The following SOX8 variants were observed in gnomAD, a reference collection of about 807,000 sequenced individuals.
The protein encoded by SOX8 is SRY-box transcription factor 8, also known as transcription factor SOX-8.
In SOX8, 9 loss-of-function variants were observed where a neutral mutation model predicts 22.9. That is an observed-to-expected ratio of 0.39 (90% CI 0.24 to 0.69). SOX8 has a LOEUF of 0.69. Among genes scored for constraint, SOX8 ranks in the 30% least tolerant of loss-of-function variants. SOX8 has a pLI of 0.43. For missense variants in SOX8, 734 were observed against 699.4 expected (o/e 1.05, Z -0.56); for synonymous variants, 416 against 330.6 (o/e 1.26, Z -2.80).
Position 982,003 on chromosome 16 carries a change from C to T in SOX8, c.81C>T (p.Asp27=). The change falls in exon 1 of 3, where the codon GAC becomes GAT. Residue 27 remains aspartate (D), a synonymous_variant. Coordinates refer to ENST00000293894, the MANE Select transcript of SOX8 (RefSeq NM_014587.5). ...GTASSMSHVE[D]SDSDAPPSPA... is the part of the protein sequence containing the mutation. ...CCAGCTCCATGTCGCACGTGGAGGA[C>T]TCGGACTCGGACGCGCCGCCGTCTC... 2 of 1,419,678 alleles carry T rather than the reference C, an allele frequency of 1.4e-6. No homozygotes were observed. The highest frequency in any genetic ancestry group is 1.8e-6 in the Non-Finnish European group (2 of 1,086,174). 87.9% of individuals were successfully genotyped at this position (1,419,678 alleles called of 1,614,324 possible).
Position 982,758 on chromosome 16 carries a change from A to C in SOX8, c.422+414A>C, listed in dbSNP as rs534413062. 373 of 167,914 alleles carry C rather than the reference A, an allele frequency of 2.2e-3. 3 individuals carry two copies. Among genetic ancestry groups the C allele is most frequent in the African/African-American group, 8.4e-3 (354 of 42,240 alleles). The allele number at this position is 167,914 out of a possible 1,614,324, so 10.4% of individuals were successfully genotyped here. A position where few individuals can be genotyped will look rare whatever the true frequency, so the allele number is the denominator to read the frequency against. On this transcript the variant is annotated intron_variant, in intron 1 of 2. Transcript: ENST00000293894. ...CTCTCTGGAGGTGCTCCCTCCTTAG[A>C]AAGGGCTCAGCTCCTCTAGCTCCTG...
rs944773787 is a variant in SOX8 at position 981,970 on chromosome 16, C to T, written c.48C>T (p.Ser16=). 4.2e-6 allele frequency: 6 copies of T among 1,442,880 alleles called. No individual in the cohort carries two copies. In the African/African-American group the frequency reaches 7.4e-5, roughly 18 times the overall value. The allele number at this position is 1,442,880 out of a possible 1,614,324, so 89.4% of individuals were successfully genotyped here. A position where few individuals can be genotyped will look rare whatever the true frequency, so the allele number is the denominator to read the frequency against. Residue 16 remains serine (S), a synonymous_variant, in exon 1 of 3, where the codon TCC becomes TCT. Coordinates refer to ENST00000293894, the MANE Select transcript of SOX8 (RefSeq NM_014587.5). ...GCTCCCAGCCGCCCTGCAGCCCGTC[C>T]GGCACCGCCAGCTCCATGTCGCACG... is the stretch of plus-strand genomic sequence containing the variant. ...EARSQPPCSP[S]GTASSMSHVE...
Position 985,082 on chromosome 16 carries a change from G to T in SOX8, c.1037G>T (p.Gly346Val). The stretch of plus-strand genomic sequence containing the variant: ...ATCAAGACGGAGCAGCCGAGCCCCG[G>T]CCACTACGGCGACCAGCCCCGAGGC... The part of the protein sequence containing the change: ...PHIKTEQPSP[G>V]HYGDQPRGSP... The change falls in exon 3 of 3, where the codon GGC becomes GTC. Residue 346 changes from glycine (G) to valine (V), a missense_variant. By Grantham distance (109) the Gly-to-Val change is moderately radical (BLOSUM62 -3). Coordinates refer to ENST00000293894, the MANE Select transcript of SOX8 (RefSeq NM_014587.5). 3 of 1,589,168 alleles carry T rather than the reference G, an allele frequency of 1.9e-6. No individual in the cohort carries two copies. Among genetic ancestry groups the T allele is most frequent in the Non-Finnish European group, 2.6e-6 (3 of 1,174,292 alleles).
chr16:982,193 G>A lies in SOX8; in HGVS notation c.271G>A (p.Gly91Ser). ...WSLVPMPVRGGGGGALKAKPH... is the reference protein window; with the variant it reads ...WSLVPMPVRGSGGGALKAKPH... ...TCTGGTGCCCATGCCGGTGCGCGGC[G>A]GCGGCGGCGGCGCGCTCAAAGCCAA... is the stretch of plus-strand genomic sequence containing the variant. Residue 91 changes from glycine to serine, a missense_variant, in exon 1 of 3, where the codon GGC becomes AGC. Around this residue, in one of 3 missense-constraint regions of SOX8, gnomAD observed 588 missense variants for 568.2 expected, o/e 1.03. Coordinates refer to ENST00000293894, the MANE Select transcript of SOX8 (RefSeq NM_014587.5). 6.6e-7 allele frequency: 1 copy of A among 1,504,926 alleles called. No individual in the cohort carries two copies. Among genetic ancestry groups the A allele is most frequent in the Non-Finnish European group, 8.8e-7 (1 of 1,132,676 alleles). 93.2% of individuals were successfully genotyped at this position (1,504,926 alleles called of 1,614,324 possible).
Position 982,163 on chromosome 16 carries a change from T to C in SOX8, c.241T>C (p.Trp81Arg). Residue 81 changes from tryptophan (W) to arginine (R), a missense_variant, in exon 1 of 3, where the codon TGG (tryptophan) becomes CGG (arginine). This residue lies in a region of SOX8 where 588 missense variants were observed against 568.2 expected (regional missense o/e 1.03). Transcript: ENST00000293894. ...AVSQVLKGYD[W>R]SLVPMPVRGG... The stretch of plus-strand genomic sequence containing the variant: ...GTCGCAGGTGCTCAAGGGCTACGAC[T>C]GGAGTCTGGTGCCCATGCCGGTGCG... The C allele has an allele frequency of 6.7e-7, 1 of 1,497,380 alleles. No individual in the cohort carries two copies. The highest frequency in any genetic ancestry group is 8.9e-7 in the Non-Finnish European group (1 of 1,129,504). 92.8% of individuals were successfully genotyped at this position (1,497,380 alleles called of 1,614,324 possible).
In SOX8 at chr16:984,115, G is replaced by A. The variant is rs566731966; in HGVS notation, c.655+155G>A. 1.4e-4 allele frequency among the ~76,000 whole-genome samples: 21 copies of A among 152,306 alleles called. No individual in the cohort carries two copies. In the East Asian group the frequency reaches 2.3e-3, roughly 17 times the overall value. ...TCCCTGAAAAAGCTCCCAAGGCCCCGGCCGCCCCTGTTTTTGGTGCACGAG... is the reference window on the plus strand; with the variant it reads ...TCCCTGAAAAAGCTCCCAAGGCCCCAGCCGCCCCTGTTTTTGGTGCACGAG... On this transcript the variant is annotated intron_variant, in intron 2 of 2. Transcript: ENST00000293894.
rs1385825998 is a variant in SOX8, at chr16:983,717, C to G, written c.423-11C>G. ...CGCCCTGGCCATCCCTGCCTCTGCC[C>G]TGTGCTGCAGCTTGCTGAGCGAGAG... On this transcript the variant is annotated splice_polypyrimidine_tract_variant and intron_variant, in intron 1 of 2. Coordinates refer to ENST00000293894, the MANE Select transcript of SOX8 (RefSeq NM_014587.5). The G allele has an allele frequency of 1.2e-6, 2 of 1,610,134 alleles. No homozygotes were observed.
Position 985,117 on chromosome 16 carries a change from T to TAC in SOX8, c.1073_1074dup (p.Gly359ThrfsTer86). 1 of 1,597,930 alleles carries TAC rather than the reference T, an allele frequency of 6.3e-7. No homozygotes were observed. The highest frequency in any genetic ancestry group is 8.5e-7 in the Non-Finnish European group (1 of 1,175,866). On this transcript the variant is annotated frameshift_variant, in exon 3 of 3. Transcript: ENST00000293894. LOFTEE classifies it low-confidence loss of function (END_TRUNC). ...CGACCAGCCCCGAGGCTCGCCCGAC[T>TAC]ACGGTTCCTGCAGCGGCCAGTCCAG... is the stretch of plus-strand genomic sequence containing the variant.
intron 1 of SOX8, 21 bp downstream of exon 1, chr16:982,365 G>C: frequency 7.5e-7 from 1 of 1,332,748 alleles, no homozygotes; most frequent in South Asian, 2.1e-5. Flanking sequence ...GCGCCCCGGG[G>C]GCGGGGTTCG....
chr16:983,690 G>C (rs555806179), intron 1 of SOX8, 38 bp from the exon 2 acceptor site: 2 of 1,581,220 alleles, frequency 1.3e-6, no homozygotes, highest in South Asian at 2.3e-5. Context: ...GGGCACAGTG[G>C]GCGCCCTGGC....
intron 1 of SOX8, chr16:982,927 T>A (rs950124908): frequency 1.3e-5 from 2 of 152,458 alleles, no homozygotes; most frequent in Non-Finnish European, 2.9e-5. Context: ...GGGTGCGCCG[T>A]GTGCACGCCT....
chr16:983,562 G>C (rs117351227), intron 1 of SOX8, 166 bp from the exon 2 acceptor site: 5 of 573,600 alleles, frequency 8.7e-6, no homozygotes, highest in Non-Finnish European at 1.5e-5. Context: ...TCCCAGAGGA[G>C]TGTACTGCCT....
At chr16:983,695 C>T (rs370599811) in intron 1 of SOX8, 33 bp from the exon 2 acceptor site, 29 of 1,594,582 alleles carry the variant, frequency 1.8e-5, no homozygotes, top group Non-Finnish European at 2.3e-5. Flanking sequence ...CAGTGGGCGC[C>T]CTGGCCATCC....
intron 1 of SOX8, 190 bp from the exon 2 acceptor site, chr16:983,538 G>A (rs1323609701): frequency 4.0e-6 from 2 of 501,198 alleles, no homozygotes; most frequent in East Asian, 3.3e-5. Flanking sequence ...TCCCAAACAG[G>A]CGCCGGCCGG....
chr16:985,638 G>T lies in SOX8; in HGVS notation c.*252G>T. 1 of 485,410 alleles carries T rather than the reference G, an allele frequency of 2.1e-6. No homozygotes were observed. Among genetic ancestry groups the T allele is most frequent in the Non-Finnish European group, 3.6e-6 (1 of 276,306 alleles). The allele number at this position is 485,410 out of a possible 1,614,324, so 30.1% of individuals were successfully genotyped here. A position where few individuals can be genotyped will look rare whatever the true frequency, so the allele number is the denominator to read the frequency against. ...GATTATTCCACAAAGAAGGGCTGCCGTTTGGTCCCTCTTCCGTGAGGACTG... is the reference window on the plus strand; with the variant it reads ...GATTATTCCACAAAGAAGGGCTGCCTTTTGGTCCCTCTTCCGTGAGGACTG... On this transcript the variant is annotated 3_prime_UTR_variant, in exon 3 of 3. Transcript: ENST00000293894.
intron 1 of SOX8, 178 bp downstream of exon 1, chr16:982,522 G>A: frequency 1.5e-6 from 1 of 648,828 alleles, no homozygotes; most frequent in Non-Finnish European, 2.2e-6. Context: ...CCTCTGGCCA[G>A]CCGGGGTCCG....
At position 983,754 on chromosome 16, in the gene SOX8, C is replaced by G. The variant is rs949119794; in HGVS notation, c.449C>G (p.Pro150Arg). The G allele has an allele frequency of 1.8e-5, 29 of 1,612,592 alleles. No homozygotes were observed. Among genetic ancestry groups the G allele is most frequent in the Non-Finnish European group, 2.5e-5 (29 of 1,179,716 alleles). ...WRLLSESEKR[P>R]FVEEAERLRV... is the part of the protein sequence containing the mutation. The stretch of plus-strand genomic sequence containing the variant: ...TTGCTGAGCGAGAGCGAGAAGCGGC[C>G]CTTCGTGGAGGAGGCAGAGCGCCTT... Residue 150 changes from proline (P) to arginine (R), a missense_variant, in exon 2 of 3, where the codon CCC becomes CGC. By Grantham distance (103) the Pro-to-Arg change is moderately radical (BLOSUM62 -2). Around this residue, in one of 3 missense-constraint regions of SOX8, gnomAD observed 588 missense variants for 568.2 expected, o/e 1.03. Coordinates refer to ENST00000293894, the MANE Select transcript of SOX8 (RefSeq NM_014587.5).
In SOX8 at chr16:985,078, C is replaced by A; in HGVS notation, c.1033C>A (p.Pro345Thr). The change falls in exon 3 of 3, where the codon CCC becomes ACC. Residue 345 changes from proline (P) to threonine (T), a missense_variant. Coordinates refer to ENST00000293894, the MANE Select transcript of SOX8 (RefSeq NM_014587.5). ...RPHIKTEQPSPGHYGDQPRGS... is the reference protein window; with the variant it reads ...RPHIKTEQPSTGHYGDQPRGS... ...GCACATCAAGACGGAGCAGCCGAGCCCCGGCCACTACGGCGACCAGCCCCG... is the reference window on the plus strand; with the variant it reads ...GCACATCAAGACGGAGCAGCCGAGCACCGGCCACTACGGCGACCAGCCCCG... The A allele has an allele frequency of 6.3e-7, 1 of 1,589,028 alleles. No individual in the cohort carries two copies. The highest frequency in any genetic ancestry group is 8.5e-7 in the Non-Finnish European group (1 of 1,174,266).
intron 1 of SOX8, chr16:982,998 C>G (rs72769449): frequency 6.6e-6 from 1 of 152,344 alleles, no homozygotes; most frequent in East Asian, 1.9e-4. Context: ...GAACTTGTTG[C>G]TCAGGACAGG....
Sources: allele counts gnomAD v4.1 joint callset (sites outside exome capture counted in the v4.1 genomes callset), GRCh38; gene constraint gnomAD v4.1.1; regional missense constraint gnomAD v4.1.1; transcripts MANE v1.5; gene names NCBI Gene and HGNC (gene_info 2026-07-23, HGNC 2026-07-21).